DCHS2: variants seen among roughly 807,000 people sequenced by gnomAD.
DCHS2 encodes the protein protocadherin-23.
In DCHS2, 142 loss-of-function variants were observed where a neutral mutation model predicts 182.4. That is an observed-to-expected ratio of 0.78 (90% CI 0.68 to 0.89). The LOEUF (loss-of-function observed/expected upper bound fraction) is 0.89, where lower values mean the gene tolerates loss of function less well. Ranked by LOEUF, DCHS2 falls within the 40% of genes least tolerant of loss-of-function variation. The pLI is 0.00. For synonymous variants in DCHS2, 1,740 were observed against 1,663.3 expected, an observed-to-expected ratio of 1.05 and a Z score of -1.12; for missense variants, 4,319 against 4,198.6, an observed-to-expected ratio of 1.03 and a Z score of -0.79.
chr4:154,352,088 G>A (rs1437379627), intron 3 of DCHS2, among the ~76,000 whole-genome samples: 1 of 151,904 alleles, frequency 6.6e-6, no homozygotes, highest in Non-Finnish European at 1.5e-5. Context: ...CACACACAGA[G>A]AGACTTGCAT....
intron 1 of DCHS2, among the ~76,000 whole-genome samples, chr4:154,415,736 A>G (rs1405120468): frequency 2.0e-5 from 3 of 152,166 alleles, no homozygotes; most frequent in African/African-American, 7.2e-5. Context: ...GAGGAAAATG[A>G]CTATGAGATC....
chr4:154,383,081 C>T (rs1458951482), intron 1 of DCHS2, among the ~76,000 whole-genome samples: 1 of 152,178 alleles, frequency 6.6e-6, no homozygotes, highest in East Asian at 1.9e-4. Context: ...AACATAGAAT[C>T]AACCTAGGGA....
chr4:154,459,882 TA>T (rs1251536633), intron 1 of DCHS2, among the ~76,000 whole-genome samples: 2 of 151,872 alleles, frequency 1.3e-5, no homozygotes, highest in East Asian at 3.9e-4. Flanking sequence ...TGTACCCACT[TA>T]ACCCAACAAG....
intron 3 of DCHS2, among the ~76,000 whole-genome samples, chr4:154,341,575 T>C (rs576587603): frequency 3.8e-4 from 58 of 151,098 alleles, no homozygotes; most frequent in African/African-American, 1.3e-3. Flanking sequence ...TGTATCGTAA[T>C]GCATACATTC....
intron 3 of DCHS2, among the ~76,000 whole-genome samples, chr4:154,337,746 T>C (rs1728878412): frequency 6.6e-6 from 1 of 151,832 alleles, no homozygotes; most frequent in African/African-American, 2.4e-5. Context: ...TTATTATTAT[T>C]ATTATTATTA....
In DCHS2 at chr4:154,255,538, C is replaced by T. The variant is rs376022412; in HGVS notation, c.6922G>A (p.Glu2308Lys). The part of the protein sequence containing the change: ...VITTKAILDY[E>K]LTSSYSLIVQ... Reference sequence around the variant, plus strand: ...ACCAACCTGTAGGAGCTGGTGAGCTCGTAATCTAGAATCGCTTTTGTTGTT... The same window carrying T: ...ACCAACCTGTAGGAGCTGGTGAGCTTGTAATCTAGAATCGCTTTTGTTGTT... Residue 2308 changes from glutamate (E) to lysine (K), a missense_variant, in exon 16 of 20, where the codon GAG becomes AAG. Coordinates refer to ENST00000357232, the MANE Select transcript of DCHS2 (RefSeq NM_001358235.2). The T allele has an allele frequency of 9.3e-6, 15 of 1,613,472 alleles. No individual in the cohort carries two copies. Among genetic ancestry groups the T allele is most frequent in the Admixed American group, 1.7e-5 (1 of 59,940 alleles).
intron 1 of DCHS2, among the ~76,000 whole-genome samples, chr4:154,424,036 TA>T (rs1392655839): frequency 2.0e-5 from 3 of 152,224 alleles, no homozygotes; most frequent in African/African-American, 7.2e-5. Context: ...GTACTTACAA[TA>T]TACATGGTAG....
chr4:154,412,264 C>T (rs963994861), intron 1 of DCHS2, among the ~76,000 whole-genome samples: 2 of 152,162 alleles, frequency 1.3e-5, no homozygotes, highest in African/African-American at 2.4e-5. Flanking sequence ...AAGCATCTCT[C>T]TGAGCGCAGA....
chr4:154,352,627 C>G (rs748604409), intron 3 of DCHS2: 1 of 152,208 alleles, frequency 6.6e-6, no homozygotes, highest in Non-Finnish European at 1.5e-5. Flanking sequence ...GTTTTGTGTT[C>G]TAGCACTAGG....
In DCHS2 at chr4:154,235,240, C is replaced by T; in HGVS notation, c.9412G>A (p.Asp3138Asn). Residue 3138 changes from aspartate to asparagine, a missense_variant, in exon 20 of 20, where the codon GAC becomes AAC. By Grantham distance (23) the Asp-to-Asn change is conservative. Transcript: ENST00000357232. ...SRVPDSGIPR[D>N]SDQLSCLSGE... is the part of the protein sequence containing the mutation. Reference sequence around the variant, plus strand: ...GATAGGCAGGAGAGCTGGTCTGAGTCCCTCGGGATACCCGAGTCTGGCACC... The same window carrying T: ...GATAGGCAGGAGAGCTGGTCTGAGTTCCTCGGGATACCCGAGTCTGGCACC... 1 of 1,614,030 alleles carries T rather than the reference C, an allele frequency of 6.2e-7. No homozygotes were observed.
Position 154,376,719 on chromosome 4 carries a change from A to G in DCHS2, c.2244+534T>C, listed in dbSNP as rs551602320. Among the ~76,000 whole-genome samples the G allele has an allele frequency of 6.6e-5, 10 of 152,300 alleles. No homozygotes were observed. In the East Asian group the frequency reaches 1.4e-3, roughly 21 times the overall value. ...TGAAAACAATCAGCTCTCTGTCTCT[A>G]ATGCTAGTTTATAGGAAATAGAGGG... is the stretch of plus-strand genomic sequence containing the variant. On this transcript the variant is annotated intron_variant, in intron 2 of 19. Transcript: ENST00000357232.
At chr4:154,260,102 G>T (rs999540205) in intron 14 of DCHS2, among the ~76,000 whole-genome samples, 2 of 152,154 alleles carry the variant, frequency 1.3e-5, no homozygotes, top group African/African-American at 4.8e-5. Flanking sequence ...GATTATAGGC[G>T]TGAGCCACAG....
chr4:154,452,223 ATTTG>A (rs1391190848), intron 1 of DCHS2, among the ~76,000 whole-genome samples: 1 of 152,234 alleles, frequency 6.6e-6, no homozygotes, highest in Non-Finnish European at 1.5e-5. Flanking sequence ...GAAAGAATAT[ATTTG>A]TTTATTTACA....
At position 154,235,398 on chromosome 4, in the gene DCHS2, A is replaced by AGAT. The variant is rs749983277; in HGVS notation, c.9251_9253dup (p.Asn3084_Leu3085insHis). The AGAT allele has an allele frequency of 6.2e-7, 1 of 1,614,068 alleles. No individual in the cohort carries two copies. Among genetic ancestry groups the AGAT allele is most frequent in the Admixed American group, 1.7e-5 (1 of 60,008 alleles). ...GCCACTGGAGTTTGAGTGTCTGTAC[A>AGAT]GATTGACAATATCCTTCTCCATGAT... On this transcript the variant is annotated inframe_insertion, in exon 20 of 20. Coordinates refer to ENST00000357232, the MANE Select transcript of DCHS2 (RefSeq NM_001358235.2).
chr4:154,408,849 A>G (rs983260572), intron 1 of DCHS2, among the ~76,000 whole-genome samples: 3 of 152,186 alleles, frequency 2.0e-5, no homozygotes, highest in African/African-American at 7.2e-5. Flanking sequence ...AGCAGTCCTC[A>G]TCACCACTTT....
Position 154,320,452 on chromosome 4 carries a change from T to C in DCHS2, c.4947A>G (p.Gly1649=). Residue 1649 remains glycine, a synonymous_variant, in exon 9 of 20, where the codon GGA becomes GGG. Transcript: ENST00000357232. The stretch of plus-strand genomic sequence containing the variant: ...TGCTGTATGTTACTTTTCCATTCCT[T>C]CCTTCGTCTGGATCGTGAGCAGTTA... ...HHITAHDPDE[G]RNGKVTYSIL... The C allele has an allele frequency of 6.2e-7, 1 of 1,614,138 alleles. No individual in the cohort carries two copies. Among genetic ancestry groups the C allele is most frequent in the Non-Finnish European group, 8.5e-7 (1 of 1,180,000 alleles).
chr4:154,370,314 T>C (rs546417896), intron 2 of DCHS2, among the ~76,000 whole-genome samples: 1 of 152,084 alleles, frequency 6.6e-6, no homozygotes, highest in Non-Finnish European at 1.5e-5. Context: ...AGCAGTCTTA[T>C]AGAAGAGGTA....
chr4:154,452,759 A>G (rs185185185), intron 1 of DCHS2, among the ~76,000 whole-genome samples: 83 of 152,356 alleles, frequency 5.4e-4, no homozygotes, highest in Admixed American at 1.2e-3. Flanking sequence ...AAGGATCTAC[A>G]TAAGTGTTCC....
chr4:154,280,192 C>A (rs955162317), intron 13 of DCHS2, among the ~76,000 whole-genome samples: 1 of 151,988 alleles, frequency 6.6e-6, no homozygotes, highest in African/African-American at 2.4e-5. Flanking sequence ...AATAGAAAAT[C>A]TCAAGAAACC....
Sources: allele counts gnomAD v4.1 joint callset (sites outside exome capture counted in the v4.1 genomes callset), GRCh38; gene constraint gnomAD v4.1.1; transcripts MANE v1.5; gene names NCBI Gene and HGNC (gene_info 2026-07-23, HGNC 2026-07-21).